KNSTRN: variants seen among roughly 807,000 people sequenced by gnomAD.
KNSTRN encodes small kinetochore-associated protein.
KNSTRN carries 38 observed loss-of-function variants against 44.7 expected under a neutral mutation model. The ratio of observed to expected loss-of-function variants is 0.85; its 90% CI spans 0.66 to 1.11. The LOEUF is 1.11. Among genes scored for constraint, KNSTRN ranks in the 50% most tolerant of loss-of-function variants. The probability of loss-of-function intolerance (pLI) is 0.00; values close to 1 mark genes in which losing one functional copy is unlikely to be tolerated. For missense variants in KNSTRN, 406 were observed against 375.8 expected, an observed-to-expected ratio of 1.08 and a Z score of -0.66; for synonymous variants, 158 against 148.1, an observed-to-expected ratio of 1.07 and a Z score of -0.48.
At chr15:40,392,862 A>G (rs8031814) in intron 8 of KNSTRN, among the ~76,000 whole-genome samples, 1 of 151,912 alleles carries the variant, frequency 6.6e-6, no homozygotes, top group Non-Finnish European at 1.5e-5. Context: ...CTGCCCGCCT[A>G]GGCTTCCCAA....
intron 6 of KNSTRN, among the ~76,000 whole-genome samples, chr15:40,390,934 A>G (rs1889986921): frequency 6.6e-6 from 1 of 151,962 alleles, no homozygotes. Context: ...CTTTATAGTC[A>G]CCATAAATAT....
chr15:40,393,657 A>T lies in KNSTRN; in HGVS notation c.*60A>T. ...CATAAAATCTCAGAGGAAGCTACTT[A>T]GGACATCATCTTGGCCATGATCTTC... On this transcript the variant is annotated 3_prime_UTR_variant, in exon 9 of 9. Transcript: ENST00000249776. The T allele has an allele frequency of 6.7e-7, 1 of 1,487,674 alleles. No individual in the cohort carries two copies. Among genetic ancestry groups the T allele is most frequent in the Non-Finnish European group, 9.2e-7 (1 of 1,084,308 alleles). 92.2% of individuals were successfully genotyped at this position (1,487,674 alleles called of 1,614,324 possible).
At chr15:40,391,431 T>C in intron 6 of KNSTRN, 62 bp from the exon 7 acceptor site, 2 of 1,351,258 alleles carry the variant, frequency 1.5e-6, no homozygotes, top group Non-Finnish European at 2.1e-6. Context: ...GGAGGGTTTT[T>C]ATTTTCTTTT....
chr15:40,389,303 C>A (rs1189981832), intron 4 of KNSTRN: 1 of 524,136 alleles, frequency 1.9e-6, no homozygotes, highest in Non-Finnish European at 3.5e-6. Flanking sequence ...CATGCGCCAC[C>A]ACGCCTGACT....
intron 4 of KNSTRN, among the ~76,000 whole-genome samples, chr15:40,388,564 G>A (rs371156249): frequency 1.5e-4 from 23 of 152,098 alleles, no homozygotes; most frequent in African/African-American, 3.9e-4. Context: ...GCATGGTGGC[G>A]GGTGCCTGTA....
At chr15:40,390,984 G>A (rs1166354315) in intron 6 of KNSTRN, among the ~76,000 whole-genome samples, 2 of 151,896 alleles carry the variant, frequency 1.3e-5, no homozygotes, top group Admixed American at 6.6e-5. Context: ...TTTTTGAGAT[G>A]GGATCTCGCT....
chr15:40,386,991 C>G (rs1250844458), intron 3 of KNSTRN, 168 bp from the exon 4 acceptor site: 1 of 634,612 alleles, frequency 1.6e-6, no homozygotes, highest in African/African-American at 1.8e-5. Context: ...TTTCAATAAT[C>G]TGTGCCGAAG....
intron 4 of KNSTRN, chr15:40,389,184 T>TG (rs1406431836): frequency 1.1e-5 from 5 of 466,908 alleles, no homozygotes; most frequent in Non-Finnish European, 2.1e-5. Flanking sequence ...TTGCTCTTGT[T>TG]GCCACCCAGG....
chr15:40,393,140 C>T, intron 8 of KNSTRN: 2 of 1,586,398 alleles, frequency 1.3e-6, no homozygotes, highest in Non-Finnish European at 1.7e-6. Context: ...AACTTGATAA[C>T]TCAAGGAGAA....
Position 40,382,823 on chromosome 15 carries a change from C to G in KNSTRN, c.-13C>G. 6.2e-7 allele frequency: 1 copy of G among 1,609,236 alleles called. No individual in the cohort carries two copies. The highest frequency in any genetic ancestry group is 8.5e-7 in the Non-Finnish European group (1 of 1,178,542). On this transcript the variant is annotated 5_prime_UTR_variant, in exon 1 of 9. Coordinates refer to ENST00000249776, the MANE Select transcript of KNSTRN (RefSeq NM_033286.4). The stretch of plus-strand genomic sequence containing the variant: ...GGTCTGGCTCTGGCCTCTGAGCGAA[C>G]CTTCCGTACAGTATGGCGGCTCCCG...
chr15:40,384,642 T>C (rs1022458261), intron 2 of KNSTRN: 11 of 334,442 alleles, frequency 3.3e-5, no homozygotes, highest in Non-Finnish European at 6.5e-5. Context: ...CCCAGCTTTA[T>C]GATCATATGT....
intron 4 of KNSTRN, among the ~76,000 whole-genome samples, chr15:40,387,819 G>A (rs867835112): frequency 6.6e-5 from 10 of 152,146 alleles, no homozygotes; most frequent in Middle Eastern, 3.4e-3. Context: ...TCTAGCCTGG[G>A]AAACATGATG....
intron 8 of KNSTRN, among the ~76,000 whole-genome samples, chr15:40,392,687 T>C (rs575985903): frequency 3.9e-4 from 60 of 152,326 alleles, no homozygotes; most frequent in African/African-American, 1.4e-3. Flanking sequence ...CTCGGCTCAC[T>C]GCAACCTCCG....
chr15:40,383,680 G>C (rs1391391033), intron 2 of KNSTRN, among the ~76,000 whole-genome samples: 2 of 152,166 alleles, frequency 1.3e-5, no homozygotes, highest in African/African-American at 4.8e-5. Context: ...TTGTTTTCAG[G>C]GAGGAAAGAG....
At position 40,393,505 on chromosome 15, in the gene KNSTRN, G is replaced by A. The variant is rs775588585; in HGVS notation, c.859G>A (p.Val287Ile). The change falls in exon 9 of 9, where the codon GTC (valine) becomes ATC (isoleucine). Residue 287 changes from valine (V) to isoleucine (I), a missense_variant. By Grantham distance (29) the Val-to-Ile change is conservative. Coordinates refer to ENST00000249776, the MANE Select transcript of KNSTRN (RefSeq NM_033286.4). ...KVKLEMKEER[V>I]RFLEQQTLCN... ...AAAGCTGGAGATGAAAGAGGAAAGA[G>A]TCCGATTCCTAGAACAGCAAACCTT... The A allele has an allele frequency of 4.3e-6, 7 of 1,613,924 alleles. No individual in the cohort carries two copies. Among genetic ancestry groups the A allele is most frequent in the Non-Finnish European group, 5.9e-6 (7 of 1,179,988 alleles).
rs536996329 is a variant in KNSTRN at position 40,387,714 on chromosome 15, A to T, written c.485+508A>T. Among the ~76,000 whole-genome samples the T allele has an allele frequency of 1.1e-4, 17 of 152,288 alleles. No individual in the cohort carries two copies. In the South Asian group the frequency reaches 3.5e-3, roughly 32 times the overall value. On this transcript the variant is annotated intron_variant, in intron 4 of 8. Coordinates refer to ENST00000249776, the MANE Select transcript of KNSTRN (RefSeq NM_033286.4). ...ATCTATTATTTGGGCATATCTTAAA[A>T]GTTTTGAAGACAGCAGGGCACACCA...
At chr15:40,392,285 C>T (rs924669942) in intron 8 of KNSTRN, among the ~76,000 whole-genome samples, 4 of 151,802 alleles carry the variant, frequency 2.6e-5, no homozygotes, top group African/African-American at 9.7e-5. Flanking sequence ...CTGCACAGAT[C>T]ATCCCATCAC....
At position 40,389,441 on chromosome 15, in the gene KNSTRN, G is replaced by T. The variant is rs186524207; in HGVS notation, c.486-65G>T. 22 of 1,219,530 alleles carry T rather than the reference G, an allele frequency of 1.8e-5. No individual in the cohort carries two copies. In the Admixed American group the frequency reaches 2.0e-4, roughly 11 times the overall value. 75.5% of individuals were successfully genotyped at this position (1,219,530 alleles called of 1,614,324 possible). On this transcript the variant is annotated intron_variant, in intron 4 of 8. Coordinates refer to ENST00000249776, the MANE Select transcript of KNSTRN (RefSeq NM_033286.4). ...GCTGGGATTACAGGCATGAGCTACC[G>T]CACCTGGTGTGGGCCATACTGTTAA...
intron 3 of KNSTRN, chr15:40,386,793 G>GA: frequency 2.0e-6 from 1 of 504,580 alleles, no homozygotes; most frequent in Non-Finnish European, 3.6e-6. Flanking sequence ...GCAGGGTGGG[G>GA]ACTAGTTGTT....
Sources: gnomAD v4.1 joint callset for allele counts (sites outside exome capture counted in the v4.1 genomes callset) on GRCh38, gnomAD v4.1.1 for gene constraint, MANE v1.5 for transcripts, NCBI Gene and HGNC (gene_info 2026-07-23, HGNC 2026-07-21) for gene names.